The following JARID2 variants were observed in gnomAD, a reference collection of about 807,000 sequenced individuals.
The protein encoded by JARID2 is protein Jumonji.
In JARID2, 21 loss-of-function variants were observed where a neutral mutation model predicts 125.6. The observed-to-expected ratio is 0.17, with a 90% CI of 0.12 to 0.24. The LOEUF (loss-of-function observed/expected upper bound fraction) is 0.24, where lower values mean the gene tolerates loss of function less well. JARID2 is among the 10% of genes least tolerant of loss of function. The pLI is 1.00. For synonymous variants in JARID2, 736 were observed against 661.6 expected (o/e 1.11, Z -1.73); for missense variants, 1,303 against 1,639.6 (o/e 0.79, Z 3.55).
At chr6:15,252,854 T>C (rs1450173009) in intron 1 of JARID2, among the ~76,000 whole-genome samples, 1 of 152,224 alleles carries the variant, frequency 6.6e-6, no homozygotes, top group African/African-American at 2.4e-5. Context: ...TTTGTTTTTC[T>C]GATTCCTTTT....
At chr6:15,346,511 T>C (rs1454461389) in intron 1 of JARID2, among the ~76,000 whole-genome samples, 2 of 152,180 alleles carry the variant, frequency 1.3e-5, no homozygotes, top group African/African-American at 4.8e-5. Context: ...GCAGGGCAGA[T>C]TAGTAGGCTT....
intron 9 of JARID2, among the ~76,000 whole-genome samples, chr6:15,506,414 A>C (rs933176254): frequency 2.6e-5 from 4 of 152,184 alleles, no homozygotes; most frequent in African/African-American, 9.7e-5. Flanking sequence ...GCATTGAGGA[A>C]AGTGGTTTTG....
At chr6:15,424,663 G>A (rs949271375) in intron 3 of JARID2, among the ~76,000 whole-genome samples, 1 of 152,146 alleles carries the variant, frequency 6.6e-6, no homozygotes, top group Non-Finnish European at 1.5e-5. Context: ...TTCGAGACCA[G>A]TGTGACCAAC....
intron 1 of JARID2, among the ~76,000 whole-genome samples, chr6:15,265,393 C>T (rs767225510): frequency 1.5e-4 from 22 of 151,664 alleles, no homozygotes; most frequent in Middle Eastern, 6.8e-3. Flanking sequence ...AAAAAAACCA[C>T]GCAGTCATTT....
At chr6:15,268,636 A>T (rs539911114) in intron 1 of JARID2, among the ~76,000 whole-genome samples, 2 of 152,280 alleles carry the variant, frequency 1.3e-5, no homozygotes, top group Admixed American at 1.3e-4. Flanking sequence ...GAACACAAAA[A>T]AGGGAGCTTT....
intron 4 of JARID2, among the ~76,000 whole-genome samples, chr6:15,458,284 C>T (rs544758247): frequency 3.3e-5 from 5 of 152,234 alleles, no homozygotes; most frequent in Middle Eastern, 3.4e-3. Context: ...TTCCTCTTTA[C>T]GGGGCACTGC....
At chr6:15,505,690 G>A (rs1271804761) in intron 9 of JARID2, among the ~76,000 whole-genome samples, 2 of 152,262 alleles carry the variant, frequency 1.3e-5, no homozygotes, top group African/African-American at 2.4e-5. Flanking sequence ...CCTACACTGT[G>A]TACCCTGGGT....
intron 3 of JARID2, among the ~76,000 whole-genome samples, chr6:15,424,268 A>C (rs1231799553): frequency 6.6e-6 from 1 of 151,568 alleles, no homozygotes; most frequent in Non-Finnish European, 1.5e-5. Flanking sequence ...GTGCCTGGCC[A>C]TTGACTGTCT....
chr6:15,309,508 C>G (rs995732880), intron 1 of JARID2, among the ~76,000 whole-genome samples: 1 of 151,842 alleles, frequency 6.6e-6, no homozygotes, highest in South Asian at 2.1e-4. Flanking sequence ...CTGTTCCGTG[C>G]AGTCATTAAA....
intron 4 of JARID2, among the ~76,000 whole-genome samples, chr6:15,461,151 C>T (rs1295599681): frequency 6.6e-6 from 1 of 152,180 alleles, no homozygotes; most frequent in Non-Finnish European, 1.5e-5. Flanking sequence ...TGGCATTTGA[C>T]TGGGTGTGTA....
At chr6:15,249,471 C>T (rs1486361463) in intron 1 of JARID2, among the ~76,000 whole-genome samples, 1 of 152,154 alleles carries the variant, frequency 6.6e-6, no homozygotes, top group African/African-American at 2.4e-5. Flanking sequence ...GTGCTCTGGG[C>T]TTAGTTCTTC....
chr6:15,459,635 A>G (rs1345997817), intron 4 of JARID2, among the ~76,000 whole-genome samples: 3 of 152,218 alleles, frequency 2.0e-5, no homozygotes, highest in African/African-American at 7.2e-5. Context: ...GGAACTGTCT[A>G]AAAGACCAGC....
chr6:15,379,550 T>A (rs912967865), intron 2 of JARID2, among the ~76,000 whole-genome samples: 1 of 152,196 alleles, frequency 6.6e-6, no homozygotes, highest in Non-Finnish European at 1.5e-5. Context: ...TTCATTTGCT[T>A]CCTATAAATG....
chr6:15,336,477 C>T (rs1342931164), intron 1 of JARID2, among the ~76,000 whole-genome samples: 3 of 152,274 alleles, frequency 2.0e-5, no homozygotes, highest in East Asian at 3.9e-4. Flanking sequence ...ACATTTAAGA[C>T]AATATTTGTA....
rs369218941 is a variant in JARID2, at chr6:15,479,669, A to G, written c.671-7638A>G. On this transcript the variant is annotated intron_variant, in intron 5 of 17. Transcript: ENST00000341776. Reference sequence around the variant, plus strand: ...TTTACAAAGCCTGTAAACCAGTAGAATTTGCTTATGATACTGGAGTTTCGG... The same window carrying G: ...TTTACAAAGCCTGTAAACCAGTAGAGTTTGCTTATGATACTGGAGTTTCGG... Among the ~76,000 whole-genome samples, 4 of 152,298 alleles carry G rather than the reference A, an allele frequency of 2.6e-5. 1 individual carries two copies. Among genetic ancestry groups the G allele is most frequent in the African/African-American group, 9.6e-5 (4 of 41,570 alleles).
intron 1 of JARID2, among the ~76,000 whole-genome samples, chr6:15,348,211 C>G (rs1328184478): frequency 6.6e-6 from 1 of 151,900 alleles, no homozygotes; most frequent in Non-Finnish European, 1.5e-5. Context: ...CCTGCCTCAG[C>G]CTCCCGAATA....
At chr6:15,355,966 T>C (rs1763586051) in intron 1 of JARID2, among the ~76,000 whole-genome samples, 1 of 152,124 alleles carries the variant, frequency 6.6e-6, no homozygotes, top group Admixed American at 6.5e-5. Flanking sequence ...CCGATATCCA[T>C]TAGCAGTAGT....
chr6:15,432,457 A>G (rs1054125157), intron 3 of JARID2, among the ~76,000 whole-genome samples: 2 of 145,056 alleles, frequency 1.4e-5, no homozygotes, highest in South Asian at 2.1e-4. Context: ...AAAAACAACA[A>G]CAACAACAAC....
chr6:15,494,921 G>C (rs13196869), intron 6 of JARID2, among the ~76,000 whole-genome samples: 30,880 of 152,164 alleles, frequency 0.2, 3,734 homozygotes, highest in Middle Eastern at 0.36. Flanking sequence ...CCCGACCCTG[G>C]CACCTTCCTC....
Sources: gnomAD v4.1 joint callset for allele counts (sites outside exome capture counted in the v4.1 genomes callset) on GRCh38, gnomAD v4.1.1 for gene constraint, MANE v1.5 for transcripts, NCBI Gene and HGNC (gene_info 2026-07-23, HGNC 2026-07-21) for gene names.